The following DTL variants were observed in gnomAD, a reference collection of about 807,000 sequenced individuals.
DTL encodes the protein denticleless protein homolog.
DTL carries 46 observed loss-of-function variants against 87.0 expected under a neutral mutation model. The ratio of observed to expected loss-of-function variants is 0.53; its 90% confidence interval spans 0.42 to 0.68. The LOEUF is 0.68. DTL is among the 30% of genes least tolerant of loss of function. The pLI is 0.00. For missense variants in DTL, 737 were observed against 869.4 expected (o/e 0.85, Z 1.91); for synonymous variants, 308 against 311.2 (o/e 0.99, Z 0.11).
chr1:212,092,551 A>T (rs1025595873), intron 13 of DTL, among the ~76,000 whole-genome samples: 3 of 151,898 alleles, frequency 2.0e-5, no homozygotes, highest in African/African-American at 7.3e-5. Flanking sequence ...AAAAAAAGAT[A>T]ATGGTCTCCA....
At chr1:212,044,296 G>T (rs896986560) in intron 2 of DTL, among the ~76,000 whole-genome samples, 1 of 152,100 alleles carries the variant, frequency 6.6e-6, no homozygotes, top group African/African-American at 2.4e-5. Flanking sequence ...AATTTTGGTG[G>T]TTTTGAGTAA....
chr1:212,052,136 CTG>C (rs1250868757), intron 5 of DTL: 1 of 656,902 alleles, frequency 1.5e-6, no homozygotes. Context: ...ATTGAGAACT[CTG>C]TGGTTGTTAA....
intron 13 of DTL, among the ~76,000 whole-genome samples, chr1:212,083,742 A>C (rs1655049342): frequency 1.3e-5 from 2 of 152,204 alleles, no homozygotes; most frequent in African/African-American, 2.4e-5. Flanking sequence ...CAAGAGCAAA[A>C]ATCTTCAAGC....
At chr1:212,057,621 C>G (rs545271485) in intron 5 of DTL, among the ~76,000 whole-genome samples, 15 of 151,954 alleles carry the variant, frequency 9.9e-5, no homozygotes, top group Non-Finnish European at 1.9e-4. Flanking sequence ...GAAATGTTAC[C>G]ACTACCGAAT....
rs183330924 is a variant in DTL at position 212,062,041 on chromosome 1, T to G, written c.461-843T>G. ...CATAGAAATGATGAATACAAGGTGA[T>G]GGATACCCCAGATACCCTGACTTGA... is the stretch of plus-strand genomic sequence containing the variant. On this transcript the variant is annotated intron_variant, in intron 5 of 14. Transcript: ENST00000366991. Among the ~76,000 whole-genome samples the G allele has an allele frequency of 7.2e-4, 109 of 152,346 alleles. 1 individual carries two copies. The highest frequency in any genetic ancestry group is 2.5e-3 in the African/African-American group (104 of 41,582).
At chr1:212,063,290 A>AT (rs1278136631) in intron 6 of DTL, among the ~76,000 whole-genome samples, 14 of 148,832 alleles carry the variant, frequency 9.4e-5, no homozygotes, top group African/African-American at 3.0e-4. Context: ...TTATTTTATT[A>AT]TTATTATTTT....
At chr1:212,043,713 C>T (rs1449038431) in intron 2 of DTL, among the ~76,000 whole-genome samples, 1 of 151,854 alleles carries the variant, frequency 6.6e-6, no homozygotes, top group Non-Finnish European at 1.5e-5. Context: ...CCCTGTAATC[C>T]CAGCTACTTG....
intron 13 of DTL, among the ~76,000 whole-genome samples, chr1:212,088,930 T>C (rs376984692): frequency 1.3e-5 from 2 of 151,954 alleles, no homozygotes; most frequent in Non-Finnish European, 2.9e-5. Context: ...CTACTAAAAA[T>C]ACAAAATTAG....
At chr1:212,044,626 A>AGT in intron 2 of DTL, 34 bp from the exon 3 acceptor site, 24 of 1,050,628 alleles carry the variant, frequency 2.3e-5, no homozygotes, top group Non-Finnish European at 3.0e-5. Flanking sequence ...AAATTGTGTT[A>AGT]CTCTATATAT....
At chr1:212,040,348 G>A (rs966733542) in intron 1 of DTL, among the ~76,000 whole-genome samples, 2 of 152,196 alleles carry the variant, frequency 1.3e-5, no homozygotes, top group African/African-American at 4.8e-5. Flanking sequence ...GAGTACAGTA[G>A]TACCTCCTTA....
chr1:212,057,628 G>A (rs368905850), intron 5 of DTL, among the ~76,000 whole-genome samples: 5 of 152,020 alleles, frequency 3.3e-5, no homozygotes, highest in East Asian at 3.9e-4. Flanking sequence ...TACCACTACC[G>A]AATACCATGA....
In DTL at chr1:212,045,974, TCAC is replaced by T. The variant is rs544281921; in HGVS notation, c.278-1173_278-1171del. Among the ~76,000 whole-genome samples the T allele has an allele frequency of 1.2e-3, 189 of 152,264 alleles. 1 individual carries two copies. The highest frequency in any genetic ancestry group is 9.0e-4 in the Non-Finnish European group (61 of 68,022). On this transcript the variant is annotated intron_variant, in intron 3 of 14. Transcript: ENST00000366991. ...TTGTATTTTTGGTAGAGATGGGGTT[TCAC>T]CACATTAGCCAGGCTGGTTAACTCC...
At chr1:212,094,432 G>C (rs1275915468) in intron 13 of DTL, among the ~76,000 whole-genome samples, 1 of 152,054 alleles carries the variant, frequency 6.6e-6, no homozygotes, top group Non-Finnish European at 1.5e-5. Flanking sequence ...TTTATTTCTG[G>C]GTTCTCTGTT....
At chr1:212,066,504 T>G (rs1209276007) in intron 7 of DTL, among the ~76,000 whole-genome samples, 1 of 152,212 alleles carries the variant, frequency 6.6e-6, no homozygotes, top group Non-Finnish European at 1.5e-5. Context: ...TAAATAAGTT[T>G]CCTAAGGATA....
In DTL at chr1:212,047,422, G is replaced by T. The variant is rs755961939; in HGVS notation, c.460+5G>T. ...CCTTTTCTAAGTTTGAGAAAGGTAG[G>T]TTTGTGCTTATCTTCTTTCATCTCC... is the stretch of plus-strand genomic sequence containing the variant. On this transcript the variant is annotated splice_donor_5th_base_variant and intron_variant, in intron 5 of 14. Coordinates refer to ENST00000366991, the MANE Select transcript of DTL (RefSeq NM_016448.4). 43 of 1,614,060 alleles carry T rather than the reference G, an allele frequency of 2.7e-5. No individual in the cohort carries two copies. Among genetic ancestry groups the T allele is most frequent in the Non-Finnish European group, 3.4e-5 (40 of 1,180,034 alleles).
At position 212,100,287 on chromosome 1, in the gene DTL, G is replaced by A. The variant is rs199557425; in HGVS notation, c.1297G>A (p.Ala433Thr). Residue 433 changes from alanine (A) to threonine (T), a missense_variant, in exon 14 of 15, where the codon GCC (alanine) becomes ACC (threonine). Ala to Thr is a moderately conservative substitution (Grantham distance 58, BLOSUM62 0). Coordinates refer to ENST00000366991, the MANE Select transcript of DTL (RefSeq NM_016448.4). ...VTSSQSTPAKAPRAKCNPSNS... is the reference protein window; with the variant it reads ...VTSSQSTPAKTPRAKCNPSNS... The stretch of plus-strand genomic sequence containing the variant: ...GAGTAGCCAGAGTACTCCTGCCAAA[G>A]CCCCCAGGGCAAAGTGCAATCCATC... 1 of 1,588,396 alleles carries A rather than the reference G, an allele frequency of 6.3e-7. No homozygotes were observed. Among genetic ancestry groups the A allele is most frequent in the African/African-American group, 1.4e-5 (1 of 73,906 alleles).
chr1:212,072,046 AT>A, intron 10 of DTL, 54 bp from the exon 11 acceptor site: 4 of 1,260,876 alleles, frequency 3.2e-6, no homozygotes, highest in Non-Finnish European at 4.7e-6. Flanking sequence ...GTCTATATCC[AT>A]TTGACCACTA....
intron 5 of DTL, among the ~76,000 whole-genome samples, chr1:212,048,636 G>A (rs1453147804): frequency 6.6e-6 from 1 of 152,164 alleles, no homozygotes; most frequent in Non-Finnish European, 1.5e-5. Flanking sequence ...TATCAGTGGT[G>A]TCTGAATAAG....
At chr1:212,091,986 GT>G (rs1212341167) in intron 13 of DTL, among the ~76,000 whole-genome samples, 1 of 152,122 alleles carries the variant, frequency 6.6e-6, no homozygotes, top group Non-Finnish European at 1.5e-5. Flanking sequence ...AATTTCAATA[GT>G]TTTGGGGGAA....
Sources: allele counts gnomAD v4.1 joint callset (sites outside exome capture counted in the v4.1 genomes callset), GRCh38; gene constraint gnomAD v4.1.1; transcripts MANE v1.5; gene names NCBI Gene and HGNC (gene_info 2026-07-23, HGNC 2026-07-21).